HERC2: variants seen among roughly 807,000 people sequenced by gnomAD.
HERC2 encodes the protein HECT and RLD domain containing E3 ubiquitin protein ligase 2.
In HERC2, 102 loss-of-function variants were observed where a neutral mutation model predicts 537.7. The observed-to-expected ratio is 0.19, with a 90% confidence interval of 0.16 to 0.22. The LOEUF (loss-of-function observed/expected upper bound fraction) is 0.22, where lower values mean the gene tolerates loss of function less well. Ranked by LOEUF, HERC2 falls within the 10% of genes least tolerant of loss-of-function variation. The pLI, the probability that HERC2 is intolerant of heterozygous loss-of-function variation, is 1.00. For synonymous variants in HERC2, 2,224 were observed against 2,466.2 expected (o/e 0.90, Z 2.91); for missense variants, 4,236 against 6,198.2 (o/e 0.68, Z 10.63).
In HERC2 at chr15:28,176,496, C is replaced by T. The variant is rs749272287; in HGVS notation, c.9618G>A (p.Gly3206=). The change falls in exon 63 of 93, where the codon GGG becomes GGA. Residue 3206 remains glycine (G), a synonymous_variant. Transcript: ENST00000261609. This position sits in a 1 kb window ranked among gnomAD's most constrained non-coding sequence, Gnocchi z 5.0. The part of the protein sequence containing the change: ...PQNIERLNGQ[G]VCQIECGAQF... ...GAGCTCCACACTCAATCTGGCACACCCCCTGTCCATTTAGTCTCTCAATGT... is the reference window on the plus strand; with the variant it reads ...GAGCTCCACACTCAATCTGGCACACTCCCTGTCCATTTAGTCTCTCAATGT... 6 of 1,614,074 alleles carry T rather than the reference C, an allele frequency of 3.7e-6. No individual in the cohort carries two copies. The Admixed American group carries it at 6.7e-5, about 18-fold the overall frequency.
chr15:28,127,680 G>T (rs960975684), intron 83 of HERC2, among the ~76,000 whole-genome samples: 1 of 152,140 alleles, frequency 6.6e-6, no homozygotes, highest in Non-Finnish European at 1.5e-5. Flanking sequence ...AGGTCGAGGC[G>T]TGGGGCATGG....
At chr15:28,222,817 G>T (rs547626985) in intron 35 of HERC2, among the ~76,000 whole-genome samples, 1 of 152,232 alleles carries the variant, frequency 6.6e-6, no homozygotes, top group South Asian at 2.1e-4. Flanking sequence ...CCAGGAAGGG[G>T]GTGCCCGTGT....
chr15:28,260,655 T>A, intron 16 of HERC2, 122 bp downstream of exon 16: 1 of 758,692 alleles, frequency 1.3e-6, no homozygotes, highest in East Asian at 2.7e-5. Flanking sequence ...ATAAATGAGT[T>A]TAGCACAACT....
chr15:28,236,730 A>G (rs1226598817), intron 26 of HERC2, among the ~76,000 whole-genome samples: 3 of 151,900 alleles, frequency 2.0e-5, no homozygotes, highest in Non-Finnish European at 4.4e-5. Context: ...TGGGACTACA[A>G]ATACGTGCCA....
intron 4 of HERC2, among the ~76,000 whole-genome samples, chr15:28,290,155 A>G (rs2076274630): frequency 6.6e-6 from 1 of 152,242 alleles, no homozygotes; most frequent in Non-Finnish European, 1.5e-5. Flanking sequence ...ATTCATGTCA[A>G]ACTAATGCAG....
At chr15:28,178,049 C>A (rs1895461859) in intron 59 of HERC2, among the ~76,000 whole-genome samples, 1 of 152,190 alleles carries the variant, frequency 6.6e-6, no homozygotes, top group South Asian at 2.1e-4. Context: ...TGAGTTCCTG[C>A]CAACTCCTGG....
Position 28,230,382 on chromosome 15 carries a change from T to C in HERC2, c.4794A>G (p.Ala1598=). 1 of 1,567,900 alleles carries C rather than the reference T, an allele frequency of 6.4e-7. No homozygotes were observed. Among genetic ancestry groups the C allele is most frequent in the Middle Eastern group, 2.3e-4 (1 of 4,370 alleles). ...AATACTGCACCTTGGGTGATTTAAT[T>C]GCAATGGGTCTCTTGTCCACATTTA... ...SPINVDKRPI[A]IKSPKDKWQP... is the part of the protein sequence containing the mutation. Residue 1598 remains alanine (A), a synonymous_variant, in exon 31 of 93, where the codon GCA becomes GCG. Coordinates refer to ENST00000261609, the MANE Select transcript of HERC2 (RefSeq NM_004667.6).
intron 71 of HERC2, 70 bp from the exon 72 acceptor site, chr15:28,144,874 G>C: frequency 6.3e-7 from 1 of 1,595,246 alleles, no homozygotes; most frequent in South Asian, 1.1e-5. Context: ...CTTCTTAGAC[G>C]CAAAGCAGAA....
intron 50 of HERC2, among the ~76,000 whole-genome samples, chr15:28,196,838 A>G (rs1406066240): frequency 6.6e-6 from 1 of 152,234 alleles, no homozygotes; most frequent in Non-Finnish European, 1.5e-5. Context: ...ATGGAGGTTC[A>G]TTGTAAACTA....
Position 28,116,750 on chromosome 15 carries a change from C to T in HERC2, c.13524G>A (p.Arg4508=). The T allele has an allele frequency of 6.2e-7, 1 of 1,614,062 alleles. No homozygotes were observed. The highest frequency in any genetic ancestry group is 8.5e-7 in the Non-Finnish European group (1 of 1,180,034). ...TPLLIVTPNG[R]DESGANRDCY... ...AGTCTCGGTTGGCCCCAGACTCATC[C>T]CTCCCGTTGGGTGTCACGATCAGCA... Residue 4508 remains arginine, a synonymous_variant, in exon 88 of 93, where the codon AGG becomes AGA. Transcript: ENST00000261609.
chr15:28,144,298 C>T (rs932172713), intron 72 of HERC2, 63 bp from the exon 73 acceptor site: 29 of 1,559,038 alleles, frequency 1.9e-5, no homozygotes, highest in Middle Eastern at 4.4e-4. Context: ...CATAAGAAGC[C>T]GCCAACGAAC....
chr15:28,193,377 C>G (rs1395600957), intron 52 of HERC2, among the ~76,000 whole-genome samples: 1 of 152,102 alleles, frequency 6.6e-6, no homozygotes, highest in African/African-American at 2.4e-5. Context: ...AAGTTTAGAA[C>G]ACACTGAACT....
At position 28,113,833 on chromosome 15, in the gene HERC2, C is replaced by T. The variant is rs1441270129; in HGVS notation, c.13914-155G>A. On this transcript the variant is annotated intron_variant, in intron 90 of 92. Coordinates refer to ENST00000261609, the MANE Select transcript of HERC2 (RefSeq NM_004667.6). The surrounding 1 kb of genome is among the most constrained non-coding windows in gnomAD (Gnocchi z 7.0). ...GATGGCATGAGCATGCTTAGCAGCT[C>T]GGCACTGCAGAGCTTCTCCTGACAC... 1.5e-6 allele frequency: 1 copy of T among 656,448 alleles called. No homozygotes were observed. The highest frequency in any genetic ancestry group is 2.7e-6 in the Non-Finnish European group (1 of 364,004). The allele number at this position is 656,448 out of a possible 1,614,324, so 40.7% of individuals were successfully genotyped here. A position where few individuals can be genotyped will look rare whatever the true frequency, so the allele number is the denominator to read the frequency against.
At chr15:28,228,516 A>C in intron 34 of HERC2, 107 bp from the exon 35 acceptor site, 1 of 1,020,584 alleles carries the variant, frequency 9.8e-7, no homozygotes, top group African/African-American at 1.6e-5. Flanking sequence ...TTTGAAACCC[A>C]CTGACATTTC....
chr15:28,175,365 C>T (rs2140144512), intron 64 of HERC2, 147 bp downstream of exon 64: 2 of 802,998 alleles, frequency 2.5e-6, no homozygotes, highest in African/African-American at 1.7e-5. Flanking sequence ...GCAAAAGGAA[C>T]AGGACCCGCC....
At chr15:28,311,102 A>AAG (rs1247239137) in intron 2 of HERC2, among the ~76,000 whole-genome samples, 28 of 147,668 alleles carry the variant, frequency 1.9e-4, no homozygotes, top group African/African-American at 6.7e-4. Context: ...AAAAAAAAAA[A>AAG]AGGCTATTAC....
chr15:28,303,353 C>A (rs1160852678), intron 2 of HERC2, among the ~76,000 whole-genome samples: 49 of 151,992 alleles, frequency 3.2e-4, no homozygotes, highest in African/African-American at 1.1e-3. Flanking sequence ...TATTCTGTTC[C>A]ATTGGTCTAG....
chr15:28,186,636 T>C lies in HERC2; in HGVS notation c.8766A>G (p.Ala2922=). ...RIRAEEEDLA[A]VPFLASDNEE... The stretch of plus-strand genomic sequence containing the variant: ...CATTATCCGAAGCTAAGAAAGGAAC[T>C]GCAGCCAAATCTTCCTCTTCTGCAC... The change falls in exon 56 of 93, where the codon GCA becomes GCG. Residue 2922 remains alanine (A), a synonymous_variant. Transcript: ENST00000261609. 6.2e-7 allele frequency: 1 copy of C among 1,614,184 alleles called. No individual in the cohort carries two copies.
rs770042505 is a variant in HERC2 at position 28,228,205 on chromosome 15, G to T, written c.5464+13C>A. 6 of 1,610,774 alleles carry T rather than the reference G, an allele frequency of 3.7e-6. No homozygotes were observed. The highest frequency in any genetic ancestry group is 1.7e-5 in the Admixed American group (1 of 60,010). ...ACATTTTCCCAAAGGCGCTCAAGCG[G>T]GTGCAGACCTACCAATCAGGCGCAG... is the stretch of plus-strand genomic sequence containing the variant. On this transcript the variant is annotated intron_variant, in intron 35 of 92. Coordinates refer to ENST00000261609, the MANE Select transcript of HERC2 (RefSeq NM_004667.6).
Sources: allele counts gnomAD v4.1 joint callset (sites outside exome capture counted in the v4.1 genomes callset), GRCh38; gene constraint gnomAD v4.1.1; non-coding constraint Gnocchi (gnomAD v3.1); transcripts MANE v1.5; gene names NCBI Gene and HGNC (gene_info 2026-07-23, HGNC 2026-07-21).